Variants in ERC1 observed in about 807,000 individuals in gnomAD.
ERC1 encodes the protein ELKS/RAB6-interacting/CAST family member 1, also known as RAB6 interacting protein 2.
ERC1 carries 56 observed loss-of-function variants against 132.0 expected under a neutral mutation model. That is an observed-to-expected ratio of 0.42 (90% confidence interval 0.34 to 0.53). The LOEUF (loss-of-function observed/expected upper bound fraction) is 0.53, where lower values mean the gene tolerates loss of function less well. ERC1 is among the 20% of genes least tolerant of loss of function. ERC1 has a pLI of 0.03. For missense variants in ERC1, 1,202 were observed against 1,349.9 expected (o/e 0.89, Z 1.72); for synonymous variants, 478 against 476.1 (o/e 1.00, Z -0.05).
intron 2 of ERC1, among the ~76,000 whole-genome samples, chr12:1,032,047 CTT>C (rs368829263): frequency 1.4e-4 from 19 of 139,952 alleles, no homozygotes; most frequent in African/African-American, 1.6e-4. Flanking sequence ...TAATCTAATT[CTT>C]TTTTTTTTTT....
chr12:1,385,319 G>T (rs1489254037), intron 16 of ERC1, among the ~76,000 whole-genome samples: 3 of 150,924 alleles, frequency 2.0e-5, no homozygotes, highest in Non-Finnish European at 4.4e-5. Flanking sequence ...GTCTCGCTCT[G>T]TCGCCCAGGC....
intron 2 of ERC1, among the ~76,000 whole-genome samples, chr12:1,034,714 T>C (rs111330605): frequency 1.3e-5 from 2 of 152,236 alleles, no homozygotes; most frequent in Non-Finnish European, 2.9e-5. Context: ...TCAATTTTAA[T>C]GAAAAAAGTT....
At chr12:1,227,092 A>T (rs1480454015) in intron 12 of ERC1, among the ~76,000 whole-genome samples, 3 of 152,240 alleles carry the variant, frequency 2.0e-5, no homozygotes, top group Admixed American at 2.0e-4. Context: ...CGTGACTAAT[A>T]CTGCAGTGAT....
At chr12:1,107,154 T>A (rs1200472794) in intron 4 of ERC1, among the ~76,000 whole-genome samples, 1 of 152,226 alleles carries the variant, frequency 6.6e-6, no homozygotes, top group East Asian at 1.9e-4. Context: ...TTCCAGCCTT[T>A]CCTTCTTTGT....
chr12:1,162,727 T>A (rs113205991), intron 8 of ERC1, among the ~76,000 whole-genome samples: 1 of 152,100 alleles, frequency 6.6e-6, no homozygotes, highest in African/African-American at 2.4e-5. Flanking sequence ...ATTTTTAAAA[T>A]TGTGCCTTTT....
chr12:1,100,259 A>G lies in ERC1; in HGVS notation c.1087-4491A>G, dbSNP rs139615036. Reference sequence around the variant, plus strand: ...AGAGGGTGACTGACATGTTGAGGAAAAGCAAAGAGGTGAGTCTGGCTGGAG... The same window carrying G: ...AGAGGGTGACTGACATGTTGAGGAAGAGCAAAGAGGTGAGTCTGGCTGGAG... On this transcript the variant is annotated intron_variant, in intron 3 of 18. Transcript: ENST00000360905. Among the ~76,000 whole-genome samples, 692 of 152,230 alleles carry G rather than the reference A, an allele frequency of 4.5e-3. 12 individuals carry two copies. The highest frequency in any genetic ancestry group is 0.016 in the African/African-American group (662 of 41,532).
Position 1,441,466 on chromosome 12 carries a change from A to G in ERC1, c.3025-3096A>G, listed in dbSNP as rs561684138. 2.1e-3 allele frequency among the ~76,000 whole-genome samples: 323 copies of G among 152,326 alleles called. 2 individuals carry two copies. Among genetic ancestry groups the G allele is most frequent in the Non-Finnish European group, 3.2e-3 (218 of 68,024 alleles). Reference sequence around the variant, plus strand: ...ATCTTTTTAAATTCTGTTTTACTATAAGGAATTTGACCTTCTCAATATGAC... The same window carrying G: ...ATCTTTTTAAATTCTGTTTTACTATGAGGAATTTGACCTTCTCAATATGAC... On this transcript the variant is annotated intron_variant, in intron 17 of 18. Coordinates refer to ENST00000360905, the MANE Select transcript of ERC1 (RefSeq NM_178040.4).
intron 7 of ERC1, among the ~76,000 whole-genome samples, chr12:1,119,167 C>G (rs1946779428): frequency 6.6e-6 from 1 of 152,106 alleles, no homozygotes; most frequent in African/African-American, 2.4e-5. Context: ...GCGTGAGCCA[C>G]TGTGCCTAGC....
chr12:1,166,855 T>C (rs1952475544), intron 8 of ERC1, among the ~76,000 whole-genome samples: 1 of 152,170 alleles, frequency 6.6e-6, no homozygotes, highest in South Asian at 2.1e-4. Context: ...TTTGGATAAA[T>C]GCTTAATTTT....
chr12:1,070,640 A>G (rs900775562), intron 2 of ERC1, among the ~76,000 whole-genome samples: 2 of 152,058 alleles, frequency 1.3e-5, no homozygotes, highest in African/African-American at 4.8e-5. Flanking sequence ...ATTCTCTTGA[A>G]TATTTATTTA....
rs1308237089 is a variant in ERC1, at chr12:1,236,816, A to G, written c.2399A>G (p.Glu800Gly). The change falls in exon 13 of 19, where the codon GAA becomes GGA. Residue 800 changes from glutamate to glycine, a missense_variant. Transcript: ENST00000360905. ...AAGGTAGCAAATCTGAAGCACAAGG[A>G]ACAGGTGGAAAAAAAGAAGAGTGCA... ...NKKVANLKHKEQVEKKKSAQM... is the reference protein window; with the variant it reads ...NKKVANLKHKGQVEKKKSAQM... 6.2e-7 allele frequency: 1 copy of G among 1,614,082 alleles called. No individual in the cohort carries two copies. Among genetic ancestry groups the G allele is most frequent in the Non-Finnish European group, 8.5e-7 (1 of 1,179,992 alleles).
intron 1 of ERC1, among the ~76,000 whole-genome samples, chr12:1,004,786 C>A (rs1274253257): frequency 6.7e-6 from 1 of 148,804 alleles, no homozygotes; most frequent in African/African-American, 2.5e-5. Flanking sequence ...ACTTTCTTTT[C>A]TCTGGCTGCC....
chr12:1,119,976 A>T (rs541552174), intron 7 of ERC1, among the ~76,000 whole-genome samples: 8 of 151,740 alleles, frequency 5.3e-5, no homozygotes, highest in Non-Finnish European at 1.0e-4. Context: ...ATGGAGGGAC[A>T]TTTTTTTATT....
intron 12 of ERC1, among the ~76,000 whole-genome samples, chr12:1,197,733 A>T (rs932968016): frequency 6.6e-6 from 1 of 152,192 alleles, no homozygotes; most frequent in African/African-American, 2.4e-5. Context: ...GTTTATCTAT[A>T]GCTTGTCTAA....
intron 17 of ERC1, among the ~76,000 whole-genome samples, chr12:1,440,286 G>C (rs373217483): frequency 2.9e-5 from 4 of 136,050 alleles, no homozygotes; most frequent in East Asian, 2.3e-4. Context: ...CTCACTGCAA[G>C]CTCCGCCTCC....
intron 12 of ERC1, among the ~76,000 whole-genome samples, chr12:1,235,714 C>T (rs1293983431): frequency 6.6e-6 from 1 of 152,000 alleles, no homozygotes; most frequent in African/African-American, 2.4e-5. Context: ...GTATAATGGC[C>T]AACAGTTGTG....
Position 1,480,621 on chromosome 12 carries a change from T to C in ERC1, c.3214-9472T>C, listed in dbSNP as rs184277574. On this transcript the variant is annotated intron_variant, in intron 18 of 18. Transcript: ENST00000360905. ...TCAATTCATGGTAACTAGAATGTAA[T>C]GAGCACTTTCATTAAGTCACAATTT... Among the ~76,000 whole-genome samples, 12 of 152,328 alleles carry C rather than the reference T, an allele frequency of 7.9e-5. No individual in the cohort carries two copies. In the East Asian group the frequency reaches 1.5e-3, roughly 20 times the overall value.
intron 16 of ERC1, among the ~76,000 whole-genome samples, chr12:1,407,795 T>C (rs2091597508): frequency 6.6e-6 from 1 of 152,186 alleles, no homozygotes; most frequent in South Asian, 2.1e-4. Flanking sequence ...GACAGAGATA[T>C]AAAGAGAAAT....
In ERC1 at chr12:1,491,563, C is replaced by T; in HGVS notation, c.*1333C>T. ...CCTCCCCGATCTTAAGGTGTGTTTT[C>T]TAGAAAAGTTCCCTAATGGAATTCA... On this transcript the variant is annotated 3_prime_UTR_variant, in exon 19 of 19. Coordinates refer to ENST00000360905, the MANE Select transcript of ERC1 (RefSeq NM_178040.4). The T allele has an allele frequency of 4.4e-6, 1 of 226,596 alleles. No individual in the cohort carries two copies. Among genetic ancestry groups the T allele is most frequent in the Admixed American group, 5.8e-5 (1 of 17,150 alleles). The allele number at this position is 226,596 out of a possible 1,614,324, so 14.0% of individuals were successfully genotyped here.
Sources: gnomAD v4.1 joint callset for allele counts (sites outside exome capture counted in the v4.1 genomes callset) on GRCh38, gnomAD v4.1.1 for gene constraint, MANE v1.5 for transcripts, NCBI Gene and HGNC (gene_info 2026-07-23, HGNC 2026-07-21) for gene names.